Variants in MAGI1 observed in about 807,000 individuals in gnomAD.
The protein encoded by MAGI1 is membrane-associated guanylate kinase, WW and PDZ domain-containing protein 1.
Under a neutral mutation model 139.9 loss-of-function variants are expected in MAGI1, and 58 were observed. The observed-to-expected ratio is 0.41, with a 90% confidence interval of 0.34 to 0.52. The LOEUF (loss-of-function observed/expected upper bound fraction) is 0.52. Among genes scored for constraint, MAGI1 ranks in the 20% least tolerant of loss-of-function variants. The probability of loss-of-function intolerance (pLI) is 0.12; values close to 1 mark genes in which losing one functional copy is unlikely to be tolerated. For synonymous variants in MAGI1, 812 were observed against 737.9 expected (o/e 1.10, Z -1.63); for missense variants, 1,874 against 1,901.6 (o/e 0.99, Z 0.27).
chr3:65,949,861 C>A (rs2063712771), intron 1 of MAGI1, among the ~76,000 whole-genome samples: 1 of 151,974 alleles, frequency 6.6e-6, no homozygotes, highest in African/African-American at 2.4e-5. Flanking sequence ...CCAGCCTGCG[C>A]AACATGGCGA....
intron 2 of MAGI1, chr3:65,597,853 C>CT (rs2082291088): frequency 2.2e-6 from 1 of 452,682 alleles, no homozygotes; most frequent in Admixed American, 2.4e-5. Flanking sequence ...TAATCCTTCC[C>CT]TTTGTGAGCC....
chr3:65,918,671 G>A lies in MAGI1; in HGVS notation c.313+119325C>T, dbSNP rs185594825. On this transcript the variant is annotated intron_variant, in intron 1 of 22. Transcript: ENST00000402939. Reference sequence around the variant, plus strand: ...TGGGATTACAGGTGTGAGCCACCGCGCCCGGCCTCCACAACATTCTTAAAC... The same window carrying A: ...TGGGATTACAGGTGTGAGCCACCGCACCCGGCCTCCACAACATTCTTAAAC... 6.9e-4 allele frequency among the ~76,000 whole-genome samples: 105 copies of A among 152,094 alleles called. 2 individuals are homozygous for A. Among genetic ancestry groups the A allele is most frequent in the African/African-American group, 1.4e-3 (60 of 41,518 alleles).
chr3:65,667,483 C>A (rs142479320), intron 1 of MAGI1, among the ~76,000 whole-genome samples: 2 of 152,248 alleles, frequency 1.3e-5, no homozygotes, highest in East Asian at 3.9e-4. Context: ...GAAGGAATGC[C>A]TGCGTGTGTG....
chr3:65,770,288 T>G (rs559324233), intron 1 of MAGI1, among the ~76,000 whole-genome samples: 1 of 152,286 alleles, frequency 6.6e-6, no homozygotes, highest in Admixed American at 6.5e-5. Flanking sequence ...AATTCCCACT[T>G]TTTTCATCAA....
At chr3:65,926,343 CT>C (rs2062510672) in intron 1 of MAGI1, among the ~76,000 whole-genome samples, 4 of 149,722 alleles carry the variant, frequency 2.7e-5, no homozygotes, top group Non-Finnish European at 5.9e-5. Context: ...CTCTCTCTCT[CT>C]CTCTCTCTCT....
intron 2 of MAGI1, among the ~76,000 whole-genome samples, chr3:65,578,825 G>A (rs1325006627): frequency 6.6e-6 from 1 of 152,002 alleles, no homozygotes; most frequent in African/African-American, 2.4e-5. Flanking sequence ...GGAGGCTGAG[G>A]CACGACAATC....
At chr3:65,567,851 CA>C (rs995743317) in intron 2 of MAGI1, among the ~76,000 whole-genome samples, 4 of 151,426 alleles carry the variant, frequency 2.6e-5, no homozygotes, top group Admixed American at 1.3e-4. Flanking sequence ...ACAAAAACAA[CA>C]AAAAAAAGGG....
chr3:65,371,944 C>T (rs866607578), intron 18 of MAGI1: 20 of 442,320 alleles, frequency 4.5e-5, no homozygotes, highest in African/African-American at 2.8e-4. Context: ...TCTTCCTCCA[C>T]TGAAGTCTCG....
intron 1 of MAGI1, among the ~76,000 whole-genome samples, chr3:65,812,464 T>A (rs574436744): frequency 0.12 from 11,068 of 93,154 alleles, 752 homozygotes; most frequent in African/African-American, 0.26. Context: ...TCTCTCTCTC[T>A]CTCTCACACA....
rs570160688 is a variant in MAGI1 at position 65,722,923 on chromosome 3, A to G, written c.314-100835T>C. 2.6e-5 allele frequency among the ~76,000 whole-genome samples: 4 copies of G among 152,102 alleles called. No homozygotes were observed. The South Asian group carries it at 8.3e-4, about 32-fold the overall frequency. On this transcript the variant is annotated intron_variant, in intron 1 of 22. Coordinates refer to ENST00000402939, the MANE Select transcript of MAGI1 (RefSeq NM_001033057.2). ...GGTGGAGGGGCTGGAGGGAACTTGA[A>G]TACTACCTTTGATTTTTATAGATAC...
chr3:65,861,157 T>A (rs561391950), intron 1 of MAGI1, among the ~76,000 whole-genome samples: 16 of 152,256 alleles, frequency 1.1e-4, no homozygotes, highest in Non-Finnish European at 2.1e-4. Context: ...CTCGCTCTAG[T>A]TTTCCAGCTG....
At chr3:65,728,578 C>A (rs1175632093) in intron 1 of MAGI1, among the ~76,000 whole-genome samples, 6 of 152,104 alleles carry the variant, frequency 3.9e-5, no homozygotes, top group Non-Finnish European at 8.8e-5. Flanking sequence ...AATTCCAAAT[C>A]CTGGAGAAAT....
chr3:65,915,953 A>G (rs1477939657), intron 1 of MAGI1, among the ~76,000 whole-genome samples: 1 of 150,552 alleles, frequency 6.6e-6, no homozygotes, highest in Admixed American at 6.7e-5. Flanking sequence ...AAATACATAT[A>G]CATTTATATG....
intron 1 of MAGI1, among the ~76,000 whole-genome samples, chr3:65,712,829 A>T (rs906353707): frequency 8.5e-5 from 13 of 152,124 alleles, no homozygotes; most frequent in Non-Finnish European, 1.6e-4. Flanking sequence ...GCAACAAATG[A>T]CCTAAATAGC....
intron 2 of MAGI1, among the ~76,000 whole-genome samples, chr3:65,563,027 C>T (rs1227072402): frequency 1.3e-5 from 2 of 152,174 alleles, no homozygotes; most frequent in Non-Finnish European, 2.9e-5. Flanking sequence ...AATGTAAACA[C>T]ACTTGCAAAC....
intron 2 of MAGI1, among the ~76,000 whole-genome samples, chr3:65,604,723 C>G (rs1335620859): frequency 4.0e-5 from 6 of 150,560 alleles, no homozygotes; most frequent in Non-Finnish European, 1.5e-5. Flanking sequence ...AAGAAGTGAA[C>G]TGCTTATTTA....
chr3:65,641,783 T>C (rs74702184), intron 1 of MAGI1, among the ~76,000 whole-genome samples: 13,029 of 152,280 alleles, frequency 0.086, 795 homozygotes, highest in Non-Finnish European at 0.13. Flanking sequence ...AGAAATTTCA[T>C]CTAAAAGAAT....
At chr3:65,381,856 A>C (rs866433300) in intron 16 of MAGI1, 21 bp downstream of exon 16, 3 of 1,591,294 alleles carry the variant, frequency 1.9e-6, no homozygotes, top group Non-Finnish European at 2.6e-6. Flanking sequence ...CACTGTCTGA[A>C]GGAATGAATG....
intron 5 of MAGI1, among the ~76,000 whole-genome samples, chr3:65,469,023 A>T (rs1390306958): frequency 1.3e-5 from 2 of 152,052 alleles, no homozygotes; most frequent in African/African-American, 4.8e-5. Flanking sequence ...AGTATAAAAA[A>T]TTCACAACGC....
Sources: allele counts gnomAD v4.1 joint callset (sites outside exome capture counted in the v4.1 genomes callset), GRCh38; gene constraint gnomAD v4.1.1; transcripts MANE v1.5; gene names NCBI Gene and HGNC (gene_info 2026-07-23, HGNC 2026-07-21).